Variants in SP140 observed in about 807,000 individuals in gnomAD.
The protein encoded by SP140 is nuclear body protein SP140.
Under a neutral mutation model 125.0 loss-of-function variants are expected in SP140, and 81 were observed. The observed-to-expected ratio is 0.65, with a 90% confidence interval of 0.54 to 0.78. SP140 has a LOEUF of 0.78. SP140 is among the 30% of genes least tolerant of loss of function. The pLI is 0.00. For missense variants in SP140, 858 were observed against 1,037.0 expected (o/e 0.83, Z 2.37); for synonymous variants, 312 against 354.0 (o/e 0.88, Z 1.33).
chr2:230,212,278 G>T, intron 1 of SP140: 1 of 1,169,248 alleles, frequency 8.6e-7, no homozygotes, highest in South Asian at 1.2e-5. Context: ...TAGCCTCTTG[G>T]TTGGCAGACG....
At chr2:230,195,626 TATTA>T in the SP140 span, among the ~76,000 whole-genome samples, 1 of 152,122 alleles carries the variant, frequency 6.6e-6, no homozygotes, top group Non-Finnish European at 1.5e-5. Flanking sequence ...CGGCATGCCT[TATTA>T]ATTTTAAAAT....
the SP140 span, among the ~76,000 whole-genome samples, chr2:230,196,516 CTT>C: frequency 6.6e-6 from 1 of 150,424 alleles, no homozygotes; most frequent in African/African-American, 2.4e-5. Context: ...AGATGTTTAA[CTT>C]TATGATTTAT....
At chr2:230,228,126 A>C (rs920044281) in intron 1 of SP140, among the ~76,000 whole-genome samples, 1 of 152,108 alleles carries the variant, frequency 6.6e-6, no homozygotes, top group Admixed American at 6.5e-5. Flanking sequence ...TTTACTTCAA[A>C]ATATTTTTAA....
rs533662724 is a variant in SP140, at chr2:230,297,816, G to T, written c.2058+354G>T. ...TAGGGGGAAGGAACAAATGTGAGAG[G>T]ATAACAGCATTTTCAAGTAAGTGGT... On this transcript the variant is annotated intron_variant, in intron 22 of 26. Transcript: ENST00000392045. 2.0e-5 allele frequency among the ~76,000 whole-genome samples: 3 copies of T among 152,260 alleles called. No homozygotes were observed. The South Asian group carries it at 6.2e-4, about 32-fold the overall frequency.
chr2:230,227,860 C>G (rs949314941), intron 1 of SP140, among the ~76,000 whole-genome samples: 1 of 152,094 alleles, frequency 6.6e-6, no homozygotes, highest in African/African-American at 2.4e-5. Flanking sequence ...AAAAGAAAAT[C>G]AGCTTTTGGT....
At chr2:230,285,365 G>T (rs998769596) in intron 16 of SP140, among the ~76,000 whole-genome samples, 4 of 152,138 alleles carry the variant, frequency 2.6e-5, no homozygotes, top group African/African-American at 7.2e-5. Flanking sequence ...TACCAATCTT[G>T]CCAGTTGATG....
downstream of SP140, among the ~76,000 whole-genome samples, chr2:230,316,248 G>A (rs1308945678): frequency 2.0e-5 from 3 of 152,172 alleles, no homozygotes; most frequent in Non-Finnish European, 2.9e-5. Context: ...AAGATTCAGA[G>A]ATATGCCATA....
At chr2:230,233,620 TA>T (rs1310568241) in intron 1 of SP140, among the ~76,000 whole-genome samples, 2 of 152,224 alleles carry the variant, frequency 1.3e-5, no homozygotes, top group African/African-American at 4.8e-5. Context: ...TTTGAACACT[TA>T]AAATATGTAT....
chr2:230,288,006 A>T (rs1184383137), intron 18 of SP140, 40 bp downstream of exon 18: 1 of 1,530,508 alleles, frequency 6.5e-7, no homozygotes, highest in Non-Finnish European at 9.0e-7. Flanking sequence ...ATAACTAAAC[A>T]TCTAATTTCC....
intron 12 of SP140, among the ~76,000 whole-genome samples, chr2:230,258,333 T>C (rs970941050): frequency 6.6e-6 from 1 of 152,116 alleles, no homozygotes; most frequent in Non-Finnish European, 1.5e-5. Flanking sequence ...AAGGATGACA[T>C]AAGAAAAAGT....
chr2:230,205,311 AC>A (rs2043645881), intron 1 of SP140, among the ~76,000 whole-genome samples: 2 of 151,908 alleles, frequency 1.3e-5, no homozygotes, highest in Non-Finnish European at 1.5e-5. Flanking sequence ...ACTTCCTACC[AC>A]CTTCTTTCTT....
upstream of SP140, chr2:230,202,517 G>C: frequency 6.5e-7 from 1 of 1,527,664 alleles, no homozygotes. Context: ...CTCTGTACCT[G>C]CTTCAGGAGA....
chr2:230,261,519 T>C (rs1005229296), intron 12 of SP140, among the ~76,000 whole-genome samples: 1 of 152,172 alleles, frequency 6.6e-6, no homozygotes, highest in Non-Finnish European at 1.5e-5. Context: ...GTGGGCATCC[T>C]TGTCTTGTTT....
At chr2:230,228,954 C>T (rs1320799829) in intron 1 of SP140, among the ~76,000 whole-genome samples, 2 of 151,970 alleles carry the variant, frequency 1.3e-5, no homozygotes, top group South Asian at 2.1e-4. Context: ...TTGTACCTAT[C>T]GTTTTTATCT....
intron 1 of SP140, chr2:230,208,191 T>A: frequency 1.6e-6 from 1 of 642,234 alleles, no homozygotes; most frequent in Non-Finnish European, 2.8e-6. Flanking sequence ...TAGGTGATGG[T>A]ACTTCAGGGA....
chr2:230,280,148 G>T (rs1328755708), intron 15 of SP140, among the ~76,000 whole-genome samples: 2 of 152,032 alleles, frequency 1.3e-5, no homozygotes, highest in African/African-American at 2.4e-5. Flanking sequence ...TCTTGCACAT[G>T]GTTGTATATT....
rs2049231270 is a variant in SP140 at position 230,245,053 on chromosome 2, G to A, written c.637G>A (p.Ala213Thr). The A allele has an allele frequency of 1.9e-6, 3 of 1,612,556 alleles. No individual in the cohort carries two copies. Among genetic ancestry groups the A allele is most frequent in the African/African-American group, 2.7e-5 (2 of 74,944 alleles). The change falls in exon 6 of 27, where the codon GCA becomes ACA. Residue 213 changes from alanine (A) to threonine (T), a missense_variant. Ala to Thr is a moderately conservative substitution (Grantham distance 58). Coordinates refer to ENST00000392045, the MANE Select transcript of SP140 (RefSeq NM_007237.5). The stretch of plus-strand genomic sequence containing the variant: ...GGCTGGTGGAGGAGATGCTGAAGAT[G>A]CACCCAGCCTACTACCAGGTGGGGG... Reference protein sequence around the residue: ...PKAGGGDAEDAPSLLPGGGVS... With the variant: ...PKAGGGDAEDTPSLLPGGGVS...
chr2:230,259,524 A>AG (rs1372193712), intron 12 of SP140, among the ~76,000 whole-genome samples: 2 of 151,764 alleles, frequency 1.3e-5, no homozygotes, highest in Non-Finnish European at 2.9e-5. Flanking sequence ...CTAAAAAAAA[A>AG]AAAATACAAA....
At chr2:230,206,624 T>C (rs1340953571) in intron 1 of SP140, among the ~76,000 whole-genome samples, 1 of 96,776 alleles carries the variant, frequency 1.0e-5, no homozygotes, top group East Asian at 3.4e-4. Flanking sequence ...TATATATATA[T>C]ATATATATAT....
Sources: allele counts gnomAD v4.1 joint callset (sites outside exome capture counted in the v4.1 genomes callset), GRCh38; gene constraint gnomAD v4.1.1; transcripts MANE v1.5; gene names NCBI Gene and HGNC (gene_info 2026-07-23, HGNC 2026-07-21).